NAA16: variants seen among roughly 807,000 people sequenced by gnomAD.
NAA16 encodes N-alpha-acetyltransferase 16, NatA auxiliary subunit.
A neutral mutation model predicts 110.3 loss-of-function variants in NAA16; 97 were observed. That is an observed-to-expected ratio of 0.88 (90% confidence interval 0.75 to 1.04). The LOEUF (loss-of-function observed/expected upper bound fraction) is 1.04. Ranked by LOEUF, NAA16 falls within the 50% of genes least tolerant of loss-of-function variation. NAA16 has a pLI of 0.00. For synonymous variants in NAA16, 372 were observed against 330.6 expected (o/e 1.13, Z -1.36); for missense variants, 1,017 against 1,005.1 (o/e 1.01, Z -0.16).
intron 9 of NAA16, among the ~76,000 whole-genome samples, chr13:41,341,270 A>G (rs1034273931): frequency 6.6e-6 from 1 of 152,178 alleles, no homozygotes; most frequent in Non-Finnish European, 1.5e-5. Context: ...AAATAGTATC[A>G]TTTTTACTGA....
intron 7 of NAA16, among the ~76,000 whole-genome samples, chr13:41,329,706 TCA>T (rs1255975549): frequency 1.3e-5 from 2 of 151,908 alleles, no homozygotes; most frequent in Non-Finnish European, 2.9e-5. Flanking sequence ...ATGATTAAAA[TCA>T]CAATATTGAT....
At chr13:41,370,796 T>C (rs1056920099) in intron 15 of NAA16, among the ~76,000 whole-genome samples, 1 of 152,146 alleles carries the variant, frequency 6.6e-6, no homozygotes, top group African/African-American at 2.4e-5. Flanking sequence ...TCAGGGGTCA[T>C]AAGGACCTTT....
intron 10 of NAA16, among the ~76,000 whole-genome samples, chr13:41,356,042 G>T (rs2042973548): frequency 6.6e-6 from 1 of 152,138 alleles, no homozygotes; most frequent in Non-Finnish European, 1.5e-5. Context: ...TAAGAGAGGG[G>T]ATCTCACTGT....
At chr13:41,316,545 TC>T (rs1171571289) in intron 1 of NAA16, among the ~76,000 whole-genome samples, 1 of 152,174 alleles carries the variant, frequency 6.6e-6, no homozygotes, top group African/African-American at 2.4e-5. Context: ...GCTCAAGCGA[TC>T]CGCCCACCTT....
At chr13:41,356,176 C>T (rs1445096123) in intron 10 of NAA16, among the ~76,000 whole-genome samples, 3 of 150,410 alleles carry the variant, frequency 2.0e-5, no homozygotes, top group Admixed American at 6.5e-5. Context: ...TGTGTGCATA[C>T]GCGCGCACAC....
At chr13:41,337,136 A>G (rs1566264683) in intron 9 of NAA16, among the ~76,000 whole-genome samples, 1 of 152,224 alleles carries the variant, frequency 6.6e-6, no homozygotes, top group Non-Finnish European at 1.5e-5. Context: ...CAACAGTAAA[A>G]TGCAATTTGG....
Position 41,355,188 on chromosome 13 carries a change from T to C in NAA16, c.1059T>C (p.Leu353=). ...TTGTTACTAATTATGAAGCCTCTCT[T>C]AAAACGTGTGACTTTTTTAGCCCAT... ...QELVTNYEAS[L]KTCDFFSPYE... Residue 353 remains leucine, a synonymous_variant, in exon 10 of 20, where the codon CTT becomes CTC. Transcript: ENST00000379406. 1.3e-6 allele frequency: 2 copies of C among 1,589,548 alleles called. No homozygotes were observed. The highest frequency in any genetic ancestry group is 1.7e-6 in the Non-Finnish European group (2 of 1,167,618).
rs1027998323 is a variant in NAA16 at position 41,355,976 on chromosome 13, G to A, written c.1087+760G>A. ...TTCAGTCATGCACAAAGTAACTTCC[G>A]GGTTCCTTATGTGTCTCTTACATGT... is the stretch of plus-strand genomic sequence containing the variant. On this transcript the variant is annotated intron_variant, in intron 10 of 19. Transcript: ENST00000379406. Among the ~76,000 whole-genome samples, 7 of 152,204 alleles carry A rather than the reference G, an allele frequency of 4.6e-5. No homozygotes were observed. In the East Asian group the frequency reaches 1.3e-3, roughly 29 times the overall value.
intron 10 of NAA16, among the ~76,000 whole-genome samples, chr13:41,356,189 G>A (rs1353511137): frequency 1.5e-5 from 2 of 132,302 alleles, no homozygotes; most frequent in Non-Finnish European, 2.9e-5. Context: ...GCGCACACGC[G>A]GGGGTTTGGG....
At chr13:41,353,235 GA>G (rs368462261) in intron 9 of NAA16, among the ~76,000 whole-genome samples, 10 of 151,674 alleles carry the variant, frequency 6.6e-5, no homozygotes, top group South Asian at 2.1e-4. Context: ...GCAAGTTCCT[GA>G]AAAAAAATTA....
intron 13 of NAA16, among the ~76,000 whole-genome samples, chr13:41,363,251 T>G (rs1318449579): frequency 6.6e-6 from 1 of 152,174 alleles, no homozygotes; most frequent in Non-Finnish European, 1.5e-5. Context: ...AGGACCATTA[T>G]TTTAAGAGCA....
At chr13:41,357,398 G>A (rs1481189466) in intron 10 of NAA16, among the ~76,000 whole-genome samples, 2 of 152,096 alleles carry the variant, frequency 1.3e-5, no homozygotes, top group Non-Finnish European at 2.9e-5. Flanking sequence ...TCGTTAGCTG[G>A]AATTTTTCTT....
chr13:41,328,800 A>G lies in NAA16; in HGVS notation c.768A>G (p.Glu256=). Residue 256 remains glutamate (E), a synonymous_variant, in exon 7 of 20, where the codon GAA becomes GAG. Transcript: ENST00000379406. The part of the protein sequence containing the change: ...VFKNLIDRNA[E]NWCYYEGLEK... ...AAAACTTGATTGATCGAAATGCAGAAAATTGGTGTTATTATGAAGGCTTGG... is the reference window on the plus strand; with the variant it reads ...AAAACTTGATTGATCGAAATGCAGAGAATTGGTGTTATTATGAAGGCTTGG... The G allele has an allele frequency of 6.2e-7, 1 of 1,607,402 alleles. No homozygotes were observed.
chr13:41,339,569 T>C (rs183518345), intron 9 of NAA16, among the ~76,000 whole-genome samples: 19 of 152,220 alleles, frequency 1.2e-4, no homozygotes, highest in Admixed American at 6.5e-4. Flanking sequence ...TTTGTTTTTG[T>C]TTTTTTGAGA....
chr13:41,374,738 T>A lies in NAA16; in HGVS notation c.2300-4T>A. The A allele has an allele frequency of 6.3e-7, 1 of 1,597,202 alleles. No individual in the cohort carries two copies. Among genetic ancestry groups the A allele is most frequent in the Non-Finnish European group, 8.6e-7 (1 of 1,166,810 alleles). On this transcript the variant is annotated splice_region_variant and splice_polypyrimidine_tract_variant and intron_variant, in intron 18 of 19. Coordinates refer to ENST00000379406, the MANE Select transcript of NAA16 (RefSeq NM_024561.5). ...ATTCATTTTGAAATGCCTTGGTATTTCAGGTGCTAAAATGATGTATTTTCT... is the reference window on the plus strand; with the variant it reads ...ATTCATTTTGAAATGCCTTGGTATTACAGGTGCTAAAATGATGTATTTTCT...
intron 9 of NAA16, among the ~76,000 whole-genome samples, chr13:41,344,948 C>T (rs1028033297): frequency 6.6e-6 from 1 of 152,184 alleles, no homozygotes; most frequent in Non-Finnish European, 1.5e-5. Context: ...ATGGATTTCC[C>T]AGTCTGGACC....
At position 41,358,310 on chromosome 13, in the gene NAA16, G is replaced by A. The variant is rs773015692; in HGVS notation, c.1094G>A (p.Gly365Glu). The change falls in exon 11 of 20, where the codon GGG becomes GAG. Residue 365 changes from glycine (G) to glutamate (E), a missense_variant. Physicochemically the swap from Gly to Glu is moderately conservative, Grantham distance 98. Coordinates refer to ENST00000379406, the MANE Select transcript of NAA16 (RefSeq NM_024561.5). ...AATATTTGTTTGATTGCAGAGAATG[G>A]GGAGAAGGAACCCCCGACAACACTA... Reference protein sequence around the residue: ...TCDFFSPYENGEKEPPTTLLW... With the variant: ...TCDFFSPYENEEKEPPTTLLW... 8 of 1,611,842 alleles carry A rather than the reference G, an allele frequency of 5.0e-6. No individual in the cohort carries two copies. Among genetic ancestry groups the A allele is most frequent in the Non-Finnish European group, 6.8e-6 (8 of 1,178,628 alleles).
At position 41,367,421 on chromosome 13, in the gene NAA16, G is replaced by T; in HGVS notation, c.1540-18G>T. On this transcript the variant is annotated intron_variant, in intron 13 of 19. Transcript: ENST00000379406. ...TGACATAAATGTAAAGGTTAATTTT[G>T]TGATTTTTGTTTTTAAGCATTTTTT... The T allele has an allele frequency of 6.5e-7, 1 of 1,537,558 alleles. No homozygotes were observed. Among genetic ancestry groups the T allele is most frequent in the Non-Finnish European group, 8.9e-7 (1 of 1,121,020 alleles).
rs2043394441 is a variant in NAA16, at chr13:41,374,728, C to T, written c.2300-14C>T. 6.4e-7 allele frequency: 1 copy of T among 1,554,890 alleles called. No individual in the cohort carries two copies. The highest frequency in any genetic ancestry group is 1.1e-5 in the South Asian group (1 of 87,908). ...ATAGGTGTTTATTCATTTTGAAATG[C>T]CTTGGTATTTCAGGTGCTAAAATGA... is the stretch of plus-strand genomic sequence containing the variant. On this transcript the variant is annotated splice_polypyrimidine_tract_variant and intron_variant, in intron 18 of 19. Transcript: ENST00000379406.
Sources: allele counts gnomAD v4.1 joint callset (sites outside exome capture counted in the v4.1 genomes callset), GRCh38; gene constraint gnomAD v4.1.1; transcripts MANE v1.5; gene names NCBI Gene and HGNC (gene_info 2026-07-23, HGNC 2026-07-21).